The following GALNT2 variants were observed in gnomAD, a reference collection of about 807,000 sequenced individuals.
GALNT2 encodes the protein UDP-GalNAc:polypeptide N-acetylgalactosaminyltransferase 2.
A neutral mutation model predicts 81.4 loss-of-function variants in GALNT2; 31 were observed. The observed-to-expected ratio is 0.38, with a 90% confidence interval of 0.29 to 0.51. The LOEUF is 0.51. Among genes scored for constraint, GALNT2 ranks in the 20% least tolerant of loss-of-function variants. GALNT2 has a pLI of 0.87. For missense variants in GALNT2, 629 were observed against 765.7 expected (o/e 0.82, Z 2.11); for synonymous variants, 303 against 287.4 (o/e 1.05, Z -0.55).
At chr1:230,211,057 C>T (rs1031494510) in intron 3 of GALNT2, among the ~76,000 whole-genome samples, 3 of 152,234 alleles carry the variant, frequency 2.0e-5, no homozygotes, top group African/African-American at 7.2e-5. Context: ...ATCCACACAG[C>T]TCCCCAGTGG....
intron 3 of GALNT2, among the ~76,000 whole-genome samples, chr1:230,210,288 TA>T (rs1274966560): frequency 3.3e-5 from 5 of 152,324 alleles, no homozygotes; most frequent in South Asian, 2.1e-4. Flanking sequence ...AATCAACCTT[TA>T]GGGGGGAAAC....
At chr1:230,107,274 A>G (rs1660570373) in intron 1 of GALNT2, among the ~76,000 whole-genome samples, 1 of 152,222 alleles carries the variant, frequency 6.6e-6, no homozygotes, top group Non-Finnish European at 1.5e-5. Flanking sequence ...TACTGAGGGA[A>G]AAAATGAATT....
rs776082557 is a variant in GALNT2, at chr1:230,246,050, CTT to C, written c.730-11_730-10del. 5.6e-6 allele frequency: 9 copies of C among 1,608,142 alleles called. No individual in the cohort carries two copies. The South Asian group carries it at 8.8e-5, about 16-fold the overall frequency. ...CTGGGATTTTGATAACTACTCCTCT[CTT>C]TGTATTTTAGGACAGGACTCGGGTT... On this transcript the variant is annotated splice_polypyrimidine_tract_variant and intron_variant, in intron 7 of 15. Transcript: ENST00000366672.
chr1:230,256,156 C>T (rs1002964620), intron 11 of GALNT2, among the ~76,000 whole-genome samples: 9 of 152,216 alleles, frequency 5.9e-5, no homozygotes, highest in African/African-American at 9.6e-5. Context: ...GGCCTCACCT[C>T]GGCTGGGCAT....
chr1:230,210,446 C>A (rs1371791740), intron 3 of GALNT2, among the ~76,000 whole-genome samples: 1 of 152,220 alleles, frequency 6.6e-6, no homozygotes, highest in Non-Finnish European at 1.5e-5. Flanking sequence ...AAGCTTTTCT[C>A]TGCCTTGCCA....
At chr1:230,097,864 T>TA (rs762685381) in intron 1 of GALNT2, among the ~76,000 whole-genome samples, 9 of 152,228 alleles carry the variant, frequency 5.9e-5, no homozygotes, top group Non-Finnish European at 1.2e-4. Flanking sequence ...TGGGACAACT[T>TA]ACAAATTCTG....
Position 230,115,978 on chromosome 1 carries a change from A to C in GALNT2, c.126+48572A>C, listed in dbSNP as rs749117012. ...AGTCACATCTGTCGTCTCCACTTCTAGTTCTCTTGGTGTTTCCACCACAAC... is the reference window on the plus strand; with the variant it reads ...AGTCACATCTGTCGTCTCCACTTCTCGTTCTCTTGGTGTTTCCACCACAAC... On this transcript the variant is annotated intron_variant, in intron 1 of 15. Coordinates refer to ENST00000366672, the MANE Select transcript of GALNT2 (RefSeq NM_004481.5). Among the ~76,000 whole-genome samples the C allele has an allele frequency of 1.1e-4, 17 of 152,240 alleles. No homozygotes were observed. In the East Asian group the frequency reaches 3.3e-3, roughly 29 times the overall value.
intron 1 of GALNT2, among the ~76,000 whole-genome samples, chr1:230,153,131 A>G (rs1421578433): frequency 6.6e-6 from 1 of 152,196 alleles, no homozygotes; most frequent in African/African-American, 2.4e-5. Context: ...TGGCGTGATC[A>G]TGGCTCACTG....
intron 1 of GALNT2, among the ~76,000 whole-genome samples, chr1:230,116,501 T>C (rs568849013): frequency 6.6e-6 from 1 of 152,230 alleles, no homozygotes; most frequent in African/African-American, 2.4e-5. Context: ...GTGCTGAGAT[T>C]ACAGGCGTGA....
At chr1:230,210,422 G>A (rs755766489) in intron 3 of GALNT2, among the ~76,000 whole-genome samples, 8 of 152,120 alleles carry the variant, frequency 5.3e-5, no homozygotes, top group Non-Finnish European at 8.8e-5. Context: ...GGTTTCAAAC[G>A]TTTAGTTATT....
chr1:230,145,710 A>G (rs1037900759), intron 1 of GALNT2, among the ~76,000 whole-genome samples: 1 of 152,214 alleles, frequency 6.6e-6, no homozygotes, highest in Admixed American at 6.5e-5. Flanking sequence ...GCAGCACAGC[A>G]GGACGTCAGG....
intron 1 of GALNT2, among the ~76,000 whole-genome samples, chr1:230,106,897 A>G (rs1393022503): frequency 6.6e-6 from 1 of 152,204 alleles, no homozygotes; most frequent in Admixed American, 6.5e-5. Flanking sequence ...ATGCTGTGAA[A>G]AGGGCACTAT....
chr1:230,225,867 G>A (rs761232192), intron 3 of GALNT2, among the ~76,000 whole-genome samples: 4 of 152,088 alleles, frequency 2.6e-5, no homozygotes, highest in Non-Finnish European at 5.9e-5. Context: ...CTTGCCTTCA[G>A]GGGCCTTTTC....
chr1:230,172,596 C>G (rs77736312), intron 1 of GALNT2, among the ~76,000 whole-genome samples: 6,745 of 152,292 alleles, frequency 0.044, 496 homozygotes, highest in African/African-American at 0.15. Flanking sequence ...CGCATAGATT[C>G]GATCAATAGT....
chr1:230,100,912 C>G (rs1660383519), intron 1 of GALNT2, among the ~76,000 whole-genome samples: 1 of 152,192 alleles, frequency 6.6e-6, no homozygotes. Context: ...TTTCAGTTAA[C>G]AGTAGACTGC....
chr1:230,158,856 C>T (rs1334270315), intron 1 of GALNT2, among the ~76,000 whole-genome samples: 2 of 152,212 alleles, frequency 1.3e-5, no homozygotes, highest in Admixed American at 6.5e-5. Context: ...AGGCTTTGTT[C>T]GTTTGCACAC....
chr1:230,106,638 G>A (rs886333606), intron 1 of GALNT2, among the ~76,000 whole-genome samples: 1 of 152,340 alleles, frequency 6.6e-6, no homozygotes, highest in South Asian at 2.1e-4. Context: ...GCAGGCATTC[G>A]TAAGAGTGCA....
chr1:230,250,336 G>A (rs1665504660), intron 9 of GALNT2, 121 bp from the exon 10 acceptor site: 1 of 725,242 alleles, frequency 1.4e-6, no homozygotes, highest in Non-Finnish European at 2.5e-6. Context: ...TGGCAGTGTG[G>A]CTGTTCTGAA....
At chr1:230,075,742 G>A (rs759819726) in intron 1 of GALNT2, among the ~76,000 whole-genome samples, 8 of 152,152 alleles carry the variant, frequency 5.3e-5, no homozygotes, top group Admixed American at 2.6e-4. Context: ...GTGCAGAAAG[G>A]TGCTGTGTGC....
Sources: allele counts gnomAD v4.1 joint callset (sites outside exome capture counted in the v4.1 genomes callset), GRCh38; gene constraint gnomAD v4.1.1; transcripts MANE v1.5; gene names NCBI Gene and HGNC (gene_info 2026-07-23, HGNC 2026-07-21).